The following PPHLN1 variants were observed in gnomAD, a reference collection of about 807,000 sequenced individuals.
PPHLN1 encodes the protein periphilin 1.
Under a neutral mutation model 51.3 loss-of-function variants are expected in PPHLN1, and 29 were observed. The observed-to-expected ratio is 0.57, with a 90% CI of 0.42 to 0.77. The LOEUF (loss-of-function observed/expected upper bound fraction) is 0.77. Ranked by LOEUF, PPHLN1 falls within the 30% of genes least tolerant of loss-of-function variation. PPHLN1 has a pLI of 0.00. For synonymous variants in PPHLN1, 147 were observed against 147.8 expected (o/e 0.99, Z 0.04); for missense variants, 436 against 438.4 (o/e 0.99, Z 0.05).
At chr12:42,391,146 A>T (rs2077670232) in intron 7 of PPHLN1, among the ~76,000 whole-genome samples, 1 of 152,116 alleles carries the variant, frequency 6.6e-6, no homozygotes, top group South Asian at 2.1e-4. Context: ...GGCTGCCCAT[A>T]TGTTGGGATA....
chr12:42,389,409 A>T (rs1309251065), intron 7 of PPHLN1, among the ~76,000 whole-genome samples: 1 of 150,672 alleles, frequency 6.6e-6, no homozygotes, highest in South Asian at 2.1e-4. Context: ...AAAAAAAAAC[A>T]ATTAGCCGGG....
At chr12:42,446,803 A>C (rs1185280835), downstream of PPHLN1, 2 of 585,172 alleles carry the variant, frequency 3.4e-6, no homozygotes. Context: ...AGCTGAAGGC[A>C]GCTTTATTAA....
chr12:42,399,919 G>A (rs1348910265), intron 9 of PPHLN1: 1 of 152,126 alleles, frequency 6.6e-6, no homozygotes, highest in Non-Finnish European at 1.5e-5. Flanking sequence ...TGATTGGGAG[G>A]CAGTTGGTAC....
chr12:42,330,754 G>T (rs2069594504), intron 1 of PPHLN1, among the ~76,000 whole-genome samples: 1 of 152,166 alleles, frequency 6.6e-6, no homozygotes, highest in African/African-American at 2.4e-5. Flanking sequence ...CTGTCACCCA[G>T]GCTGGAGTGC....
At position 42,393,531 on chromosome 12, in the gene PPHLN1, C is replaced by T. The variant is rs767316775; in HGVS notation, c.649-39C>T. On this transcript the variant is annotated intron_variant, in intron 7 of 9. Transcript: ENST00000358314. Reference sequence around the variant, plus strand: ...TCTTGGTGTATTTGAAGTTTAAAAGCCCTTGAGAATTGTAACAGAAATGTT... The same window carrying T: ...TCTTGGTGTATTTGAAGTTTAAAAGTCCTTGAGAATTGTAACAGAAATGTT... 9.2e-6 allele frequency: 14 copies of T among 1,524,684 alleles called. No homozygotes were observed. In the Admixed American group the frequency reaches 2.9e-4, roughly 32 times the overall value. The allele number at this position is 1,524,684 out of a possible 1,614,324, so 94.4% of individuals were successfully genotyped here.
rs2082968331 is a variant in PPHLN1 at position 42,441,558 on chromosome 12, T to G, written c.*49T>G. The stretch of plus-strand genomic sequence containing the variant: ...AAAAAAAAACAGTTTCTAAAAATTT[T>G]TTTTCCTGGATTGTGTAAATCCTTA... On this transcript the variant is annotated 3_prime_UTR_variant, in exon 10 of 10. Transcript: ENST00000358314. The G allele has an allele frequency of 2.7e-6, 4 of 1,469,796 alleles. No homozygotes were observed. Among genetic ancestry groups the G allele is most frequent in the Non-Finnish European group, 3.6e-6 (4 of 1,114,436 alleles). 91.0% of individuals were successfully genotyped at this position (1,469,796 alleles called of 1,614,324 possible).
chr12:42,446,561 A>T (rs190454665), downstream of PPHLN1: 350 of 1,611,474 alleles, frequency 2.2e-4, 1 homozygote, highest in African/African-American at 3.5e-3. Context: ...AATTATACTC[A>T]TGTTTGTCTC....
intron 9 of PPHLN1, among the ~76,000 whole-genome samples, chr12:42,440,450 T>C (rs564383443): frequency 4.5e-4 from 68 of 152,370 alleles, no homozygotes; most frequent in South Asian, 4.1e-3. Context: ...CTTTCTGTTG[T>C]TGAGTTCTAA....
At chr12:42,376,143 A>G (rs975926723) in intron 5 of PPHLN1, among the ~76,000 whole-genome samples, 9 of 152,236 alleles carry the variant, frequency 5.9e-5, no homozygotes, top group African/African-American at 2.2e-4. Flanking sequence ...TCAGATTTCT[A>G]CAAGTAAAGA....
At chr12:42,360,019 A>T (rs2074447350) in intron 4 of PPHLN1, among the ~76,000 whole-genome samples, 1 of 151,328 alleles carries the variant, frequency 6.6e-6, no homozygotes, top group African/African-American at 2.4e-5. Context: ...GAAGCAGGAG[A>T]ATCACTTGAA....
chr12:42,336,734 G>A (rs143453180), intron 2 of PPHLN1, among the ~76,000 whole-genome samples: 181 of 152,300 alleles, frequency 1.2e-3, no homozygotes, highest in African/African-American at 4.2e-3. Context: ...TCTAAAGGAG[G>A]GTTTGGGGAA....
downstream of PPHLN1, chr12:42,442,749 A>G: frequency 6.2e-7 from 1 of 1,612,766 alleles, no homozygotes; most frequent in East Asian, 2.2e-5. Context: ...TCAGTAAGTC[A>G]TTGGTGCCCG....
At chr12:42,436,651 A>G (rs1306256561) in intron 9 of PPHLN1, among the ~76,000 whole-genome samples, 1 of 152,104 alleles carries the variant, frequency 6.6e-6, no homozygotes, top group Non-Finnish European at 1.5e-5. Context: ...TCCTCAGTGG[A>G]TCCCTGAAAC....
At chr12:42,414,437 G>T (rs916069153) in intron 9 of PPHLN1, among the ~76,000 whole-genome samples, 1 of 152,206 alleles carries the variant, frequency 6.6e-6, no homozygotes, top group Non-Finnish European at 1.5e-5. Context: ...CATGGGATAT[G>T]TTTCTTTTTC....
chr12:42,375,511 C>T (rs2076193377), intron 5 of PPHLN1, among the ~76,000 whole-genome samples: 1 of 151,640 alleles, frequency 6.6e-6, no homozygotes, highest in Non-Finnish European at 1.5e-5. Context: ...GGGGTTTCAC[C>T]ATGTTGGTCA....
At chr12:42,425,837 C>G in intron 9 of PPHLN1, among the ~76,000 whole-genome samples, 1 of 152,260 alleles carries the variant, frequency 6.6e-6, no homozygotes, top group South Asian at 2.1e-4. Flanking sequence ...TGTGTATACA[C>G]GATACAGGAT....
rs1352800105 is a variant in PPHLN1, at chr12:42,379,301, A to G, written c.511+4227A>G. Reference sequence around the variant, plus strand: ...AAATCACAATCCAGTCCTTTTATGTAGCTCATTCTTTATAAAAGAATTAAA... The same window carrying G: ...AAATCACAATCCAGTCCTTTTATGTGGCTCATTCTTTATAAAAGAATTAAA... On this transcript the variant is annotated intron_variant, in intron 5 of 9. Coordinates refer to ENST00000358314, the MANE Select transcript of PPHLN1 (RefSeq NM_201439.2). Among the ~76,000 whole-genome samples, 4 of 152,138 alleles carry G rather than the reference A, an allele frequency of 2.6e-5. No individual in the cohort carries two copies. The East Asian group carries it at 5.8e-4, about 22-fold the overall frequency.
intron 1 of PPHLN1, among the ~76,000 whole-genome samples, chr12:42,330,228 A>C (rs758017755): frequency 6.6e-6 from 1 of 152,152 alleles, no homozygotes; most frequent in African/African-American, 2.4e-5. Context: ...GAATAGAACA[A>C]ATGTACAATC....
intron 1 of PPHLN1, among the ~76,000 whole-genome samples, chr12:42,328,989 C>G (rs186630708): frequency 2.0e-3 from 297 of 152,206 alleles, no homozygotes; most frequent in Non-Finnish European, 3.7e-3. Context: ...GGTGGGATTA[C>G]GGGCATGAGC....
Sources: allele counts gnomAD v4.1 joint callset (sites outside exome capture counted in the v4.1 genomes callset), GRCh38; gene constraint gnomAD v4.1.1; transcripts MANE v1.5; gene names NCBI Gene and HGNC (gene_info 2026-07-23, HGNC 2026-07-21).